The following FBXL2 variants were observed in gnomAD, a reference collection of about 807,000 sequenced individuals.
FBXL2 encodes the protein F-box and leucine rich repeat protein 2, also known as F-box/LRR-repeat protein 2.
A neutral mutation model predicts 69.2 loss-of-function variants in FBXL2; 38 were observed. The ratio of observed to expected loss-of-function variants is 0.55; its 90% CI spans 0.42 to 0.72. The LOEUF is 0.72. FBXL2 is among the 30% of genes least tolerant of loss of function. FBXL2 has a pLI of 0.00. For synonymous variants in FBXL2, 192 were observed against 201.3 expected (o/e 0.95, Z 0.39); for missense variants, 354 against 520.3 (o/e 0.68, Z 3.11).
chr3:33,409,457 C>T, the FBXL2 span: 2 of 1,614,134 alleles, frequency 1.2e-6, no homozygotes, highest in Non-Finnish European at 1.7e-6. Context: ...ACCTTAAAAA[C>T]TTTGATTTGG....
intron 11 of FBXL2, 26 bp from the exon 12 acceptor site, chr3:33,378,077 G>A (rs1484514835): frequency 1.9e-6 from 3 of 1,613,170 alleles, no homozygotes; most frequent in South Asian, 2.2e-5. Flanking sequence ...ACTCACATGT[G>A]GGGTGTGTCT....
intron 2 of FBXL2, among the ~76,000 whole-genome samples, chr3:33,336,766 G>T (rs959103864): frequency 1.3e-5 from 2 of 152,102 alleles, no homozygotes; most frequent in Non-Finnish European, 2.9e-5. Flanking sequence ...TTAGCTGGGT[G>T]TGGTGGCGTG....
In FBXL2 at chr3:33,386,527, C is replaced by A. The variant is rs1338210148; in HGVS notation, c.*919C>A. On this transcript the variant is annotated 3_prime_UTR_variant, in exon 15 of 15. Coordinates refer to ENST00000484457, the MANE Select transcript of FBXL2 (RefSeq NM_012157.5). ...TTTTGAAATCTTAAAAATCAGGTTA[C>A]ACCATAGCTACTCAAAAGTTTTACA... is the stretch of plus-strand genomic sequence containing the variant. 4 of 151,484 alleles carry A rather than the reference C, an allele frequency of 2.6e-5. No homozygotes were observed. Among genetic ancestry groups the A allele is most frequent in the Non-Finnish European group, 5.9e-5 (4 of 67,932 alleles). The allele number at this position is 151,484 out of a possible 1,614,324, so 9.4% of individuals were successfully genotyped here.
At chr3:33,296,098 C>G (rs981300086) in intron 1 of FBXL2, among the ~76,000 whole-genome samples, 1 of 152,072 alleles carries the variant, frequency 6.6e-6, no homozygotes, top group African/African-American at 2.4e-5. Flanking sequence ...CAGGGTCTTG[C>G]TTTGTAACCC....
chr3:33,317,859 G>C (rs1378347568), intron 2 of FBXL2, among the ~76,000 whole-genome samples: 1 of 152,074 alleles, frequency 6.6e-6, no homozygotes, highest in Non-Finnish European at 1.5e-5. Flanking sequence ...TTTGAGCACA[G>C]ACATGAAACT....
intron 12 of FBXL2, chr3:33,396,180 C>G: frequency 1.3e-6 from 2 of 1,582,656 alleles, no homozygotes; most frequent in Non-Finnish European, 1.7e-6. Flanking sequence ...GCCCCACTGC[C>G]ATTCTCGCTT....
At chr3:33,321,780 G>A (rs759444647) in intron 2 of FBXL2, among the ~76,000 whole-genome samples, 33 of 152,200 alleles carry the variant, frequency 2.2e-4, no homozygotes, top group Non-Finnish European at 4.3e-4. Context: ...GTAGGCACTT[G>A]TAGCAGAATT....
intron 11 of FBXL2, 34 bp downstream of exon 11, chr3:33,377,367 C>CT (rs777763206): frequency 6.3e-7 from 1 of 1,598,406 alleles, no homozygotes; most frequent in South Asian, 1.1e-5. Flanking sequence ...CAACCAAACT[C>CT]TAATTCACCT....
the FBXL2 span, among the ~76,000 whole-genome samples, chr3:33,410,238 A>ATCTCC: frequency 1.3e-5 from 2 of 152,204 alleles, no homozygotes; most frequent in African/African-American, 2.4e-5. Context: ...CCCACCCTGG[A>ATCTCC]TGACAGCCTT....
the FBXL2 span, among the ~76,000 whole-genome samples, chr3:33,418,529 G>A: frequency 6.6e-6 from 1 of 151,774 alleles, no homozygotes; most frequent in Admixed American, 6.6e-5. Context: ...AAAATGCTGG[G>A]ATTACAGGCG....
chr3:33,278,408 G>T (rs2033567032), intron 1 of FBXL2: 1 of 152,234 alleles, frequency 6.6e-6, no homozygotes, highest in Admixed American at 6.5e-5. Context: ...GGCGGTAGGT[G>T]TAGGTAATAG....
chr3:33,379,416 G>A (rs1456677699), intron 13 of FBXL2, among the ~76,000 whole-genome samples: 3 of 151,962 alleles, frequency 2.0e-5, no homozygotes, highest in Admixed American at 1.3e-4. Flanking sequence ...CTGCAGTGGC[G>A]CGACCTCAGC....
intron 9 of FBXL2, 114 bp downstream of exon 9, chr3:33,374,035 CCT>C (rs1478439015): frequency 2.3e-6 from 2 of 883,808 alleles, no homozygotes; most frequent in African/African-American, 3.3e-5. Flanking sequence ...GTTGCCACAC[CCT>C]GATTTCCATC....
intron 2 of FBXL2, among the ~76,000 whole-genome samples, chr3:33,341,832 G>GAAAA (rs56386082): frequency 3.4e-5 from 2 of 58,526 alleles, no homozygotes; most frequent in Non-Finnish European, 3.1e-5. Context: ...TCCGTCTCAG[G>GAAAA]AAAAAAAAAA....
intron 6 of FBXL2, 27 bp from the exon 7 acceptor site, chr3:33,373,233 A>G: frequency 6.2e-7 from 1 of 1,613,350 alleles, no homozygotes; most frequent in Non-Finnish European, 8.5e-7. Flanking sequence ...GGTTGAAAAT[A>G]TCTTTAGTGC....
chr3:33,277,211 T>A (rs2125649625), upstream of FBXL2: 1 of 382,062 alleles, frequency 2.6e-6, no homozygotes, highest in Non-Finnish European at 4.6e-6. Context: ...CATGGTCTCT[T>A]TCAGCTGGGC....
At chr3:33,320,260 C>T (rs2038076924) in intron 2 of FBXL2, among the ~76,000 whole-genome samples, 1 of 151,814 alleles carries the variant, frequency 6.6e-6, no homozygotes. Flanking sequence ...GAATAGAGAA[C>T]CAGAAACAGA....
At chr3:33,416,735 G>A in the FBXL2 span, 4 of 1,551,504 alleles carry the variant, frequency 2.6e-6, no homozygotes, top group Non-Finnish European at 3.5e-6. Context: ...TATCCATTGG[G>A]AATTAAAATG....
At chr3:33,330,714 C>T (rs796786157) in intron 2 of FBXL2, among the ~76,000 whole-genome samples, 20 of 152,200 alleles carry the variant, frequency 1.3e-4, no homozygotes, top group African/African-American at 4.8e-4. Flanking sequence ...ATGGCAAAAC[C>T]CTGTCTCTAC....
Sources: allele counts gnomAD v4.1 joint callset (sites outside exome capture counted in the v4.1 genomes callset), GRCh38; gene constraint gnomAD v4.1.1; transcripts MANE v1.5; gene names NCBI Gene and HGNC (gene_info 2026-07-23, HGNC 2026-07-21).